INPP5D: variants seen among roughly 807,000 people sequenced by gnomAD.
INPP5D encodes the protein inositol polyphosphate-5-phosphatase D.
In INPP5D, 33 loss-of-function variants were observed where a neutral mutation model predicts 122.9. That is an observed-to-expected ratio of 0.27 (90% CI 0.20 to 0.36). The LOEUF is 0.36. Ranked by LOEUF, INPP5D falls within the 10% of genes least tolerant of loss-of-function variation. The probability of loss-of-function intolerance (pLI) is 1.00; values close to 1 mark genes in which losing one functional copy is unlikely to be tolerated. For synonymous variants in INPP5D, 584 were observed against 576.2 expected, an observed-to-expected ratio of 1.01 and a Z score of -0.19; for missense variants, 1,053 against 1,412.7, an observed-to-expected ratio of 0.75 and a Z score of 4.08.
In INPP5D at chr2:233,130,569, T is replaced by C; in HGVS notation, c.586T>C (p.Ser196Pro). ...DYLSTQLAQD[S>P]EFVKTGSSSL... ...TTTAAGCACTCAGCTCGCCCAGGAC[T>C]CTGAATTTGTGAAGACAGGGTCCAG... Residue 196 changes from serine (S) to proline (P), a missense_variant, in exon 5 of 27, where the codon TCT (serine) becomes CCT (proline). This residue lies in a region of INPP5D where 196 missense variants were observed against 175.6 expected (regional missense o/e 1.12). Coordinates refer to ENST00000445964, the MANE Select transcript of INPP5D (RefSeq NM_001017915.3). The C allele has an allele frequency of 1.2e-6, 2 of 1,613,956 alleles. No individual in the cohort carries two copies. Among genetic ancestry groups the C allele is most frequent in the Non-Finnish European group, 1.7e-6 (2 of 1,179,866 alleles).
Position 233,188,751 on chromosome 2 carries a change from C to T in INPP5D, c.2359-1099C>T, listed in dbSNP as rs878891568. 1.7e-4 allele frequency among the ~76,000 whole-genome samples: 26 copies of T among 152,090 alleles called. No individual in the cohort carries two copies. The highest frequency in any genetic ancestry group is 1.1e-3 in the Admixed American group (17 of 15,272). On this transcript the variant is annotated intron_variant, in intron 21 of 26. Transcript: ENST00000445964. The surrounding 1 kb of genome is among the most constrained non-coding windows in gnomAD (Gnocchi z 4.7). ...TAATTTCTGTATTTTTTAGTAGAGA[C>T]GGGGTTTCACCATGTTGGCCAGGCT...
chr2:233,202,668 A>G (rs62192897), intron 25 of INPP5D, among the ~76,000 whole-genome samples: 9,089 of 152,276 alleles, frequency 0.06, 301 homozygotes, highest in South Asian at 0.12. Flanking sequence ...TTTCTTCACG[A>G]TAGCTTCCTT....
chr2:233,110,006 T>C (rs1574733528), intron 2 of INPP5D, among the ~76,000 whole-genome samples: 3 of 151,560 alleles, frequency 2.0e-5, no homozygotes, highest in Admixed American at 1.3e-4. Context: ...CATTTCAGCC[T>C]CCCAAGTAGC....
intron 6 of INPP5D, chr2:233,145,936 C>G: frequency 1.5e-6 from 1 of 677,750 alleles, no homozygotes; most frequent in Non-Finnish European, 2.7e-6. Context: ...GGGGGAGAGG[C>G]AGATTTACAG....
At chr2:233,083,484 G>C (rs1250144557) in intron 2 of INPP5D, among the ~76,000 whole-genome samples, 1 of 152,202 alleles carries the variant, frequency 6.6e-6, no homozygotes, top group Non-Finnish European at 1.5e-5. Flanking sequence ...TTGGGGCAGT[G>C]CTCTGAGCCC....
chr2:233,096,633 C>G lies in INPP5D; in HGVS notation c.198+17235C>G, dbSNP rs906659381. On this transcript the variant is annotated intron_variant, in intron 2 of 26. Coordinates refer to ENST00000445964, the MANE Select transcript of INPP5D (RefSeq NM_001017915.3). ...CACCACTGCACTCCAGCCTGGGTGACAGAGCGAGATCCCATCTCAAAAGAA... is the reference window on the plus strand; with the variant it reads ...CACCACTGCACTCCAGCCTGGGTGAGAGAGCGAGATCCCATCTCAAAAGAA... Among the ~76,000 whole-genome samples, 2 of 152,164 alleles carry G rather than the reference C, an allele frequency of 1.3e-5. 1 individual carries two copies. Among genetic ancestry groups the G allele is most frequent in the Non-Finnish European group, 2.9e-5 (2 of 68,038 alleles).
At chr2:233,123,280 C>G (rs945179593) in intron 3 of INPP5D, among the ~76,000 whole-genome samples, 1 of 152,022 alleles carries the variant, frequency 6.6e-6, no homozygotes, top group African/African-American at 2.4e-5. Context: ...ATGGCGAAAC[C>G]TTATCTCTAC....
At chr2:233,116,225 GTAGATAGATAGA>G (rs1553575234) in intron 2 of INPP5D, among the ~76,000 whole-genome samples, 1 of 133,834 alleles carries the variant, frequency 7.5e-6, no homozygotes, top group Non-Finnish European at 1.6e-5. Flanking sequence ...AGATATATAT[GTAGATAGATAGA>G]TAGATAGATA....
chr2:233,078,615 C>T lies in INPP5D; in HGVS notation c.135-720C>T, dbSNP rs566130197. On this transcript the variant is annotated intron_variant, in intron 1 of 26. Transcript: ENST00000445964. This position sits in a 1 kb window ranked among gnomAD's most constrained non-coding sequence, Gnocchi z 4.6. ...GCCTGGCTTTCCATTCACCATGGGC[C>T]GCTCTGCTTGGGCCCACTGGAGTCG... 8.1e-4 allele frequency among the ~76,000 whole-genome samples: 123 copies of T among 152,280 alleles called. 1 individual carries two copies. Among genetic ancestry groups the T allele is most frequent in the African/African-American group, 2.7e-3 (114 of 41,552 alleles).
intron 9 of INPP5D, among the ~76,000 whole-genome samples, chr2:233,150,565 C>T (rs36142114): frequency 0.52 from 78,481 of 152,080 alleles, 20,839 homozygotes; most frequent in East Asian, 0.67. Flanking sequence ...TGAGTGAAGA[C>T]TGTCAGAGCA....
At position 233,164,299 on chromosome 2, in the gene INPP5D, C is replaced by T. The variant is rs369169885; in HGVS notation, c.1438-8C>T. 178 of 1,547,024 alleles carry T rather than the reference C, an allele frequency of 1.2e-4. No individual in the cohort carries two copies. The highest frequency in any genetic ancestry group is 5.2e-4 in the Middle Eastern group (3 of 5,808). ...GGGCCGAGTATTGCAACGTTGTCCT[C>T]CCACCAGGTCGCCATCCACACGCTC... On this transcript the variant is annotated splice_polypyrimidine_tract_variant and splice_region_variant and intron_variant, in intron 12 of 26. Coordinates refer to ENST00000445964, the MANE Select transcript of INPP5D (RefSeq NM_001017915.3). The surrounding 1 kb of genome is among the most constrained non-coding windows in gnomAD (Gnocchi z 4.3).
chr2:233,094,091 CCCCT>C (rs923570289), intron 2 of INPP5D, among the ~76,000 whole-genome samples: 15 of 151,462 alleles, frequency 9.9e-5, no homozygotes, highest in African/African-American at 3.4e-4. Flanking sequence ...TAGAATACAC[CCCCT>C]CCCCCCCCAA....
At chr2:233,153,488 T>C (rs1014259065) in intron 9 of INPP5D, among the ~76,000 whole-genome samples, 4 of 151,972 alleles carry the variant, frequency 2.6e-5, no homozygotes, top group African/African-American at 2.4e-5. Flanking sequence ...GGAAAGGAGA[T>C]GGATAGCGAG....
intron 17 of INPP5D, among the ~76,000 whole-genome samples, chr2:233,173,122 T>C (rs549373150): frequency 1.3e-4 from 19 of 150,442 alleles, no homozygotes; most frequent in Admixed American, 1.2e-3. Context: ...GGCAAGAGAA[T>C]CGCTTGAACC....
intron 9 of INPP5D, among the ~76,000 whole-genome samples, chr2:233,157,892 ACT>A (rs1694097027): frequency 6.6e-6 from 1 of 151,362 alleles, no homozygotes; most frequent in Non-Finnish European, 1.5e-5. Context: ...GAACAACTTG[ACT>A]CTTTTAATTG....
At chr2:233,148,241 T>C (rs1574765059) in intron 9 of INPP5D, among the ~76,000 whole-genome samples, 2 of 152,056 alleles carry the variant, frequency 1.3e-5, no homozygotes, top group South Asian at 4.1e-4. Context: ...TTCTGGTGCA[T>C]TGAGTAGCCG....
intron 2 of INPP5D, among the ~76,000 whole-genome samples, chr2:233,104,959 G>A (rs1361546153): frequency 6.6e-6 from 1 of 152,176 alleles, no homozygotes; most frequent in African/African-American, 2.4e-5. Context: ...GATCTCACAG[G>A]AGCTGTGGAG....
At chr2:233,198,473 C>T (rs1438564187) in intron 25 of INPP5D, 97 bp downstream of exon 25, 1 of 1,470,178 alleles carries the variant, frequency 6.8e-7, no homozygotes, top group Non-Finnish European at 9.0e-7. Flanking sequence ...ATAAGGGCCA[C>T]AATTTGTGTC....
At chr2:233,196,430 G>T (rs952098625) in intron 24 of INPP5D, among the ~76,000 whole-genome samples, 22 of 152,152 alleles carry the variant, frequency 1.4e-4, no homozygotes, top group African/African-American at 5.3e-4. Flanking sequence ...GGAACTTGCG[G>T]CCTAGTGCAT....
Sources: gnomAD v4.1 joint callset for allele counts (sites outside exome capture counted in the v4.1 genomes callset) on GRCh38, gnomAD v4.1.1 for gene constraint, gnomAD v4.1.1 regional missense constraint, Gnocchi (gnomAD v3.1) non-coding constraint, MANE v1.5 for transcripts, NCBI Gene and HGNC (gene_info 2026-07-23, HGNC 2026-07-21) for gene names.